The following BRAF variants were observed in gnomAD, a reference collection of about 807,000 sequenced individuals.
The protein encoded by BRAF is serine/threonine-protein kinase B-raf.
In BRAF, 16 loss-of-function variants were observed where a neutral mutation model predicts 104.6. The observed-to-expected ratio is 0.15, with a 90% CI of 0.10 to 0.23. The LOEUF is 0.23. Ranked by LOEUF, BRAF falls within the 10% of genes least tolerant of loss-of-function variation. The pLI is 1.00. For synonymous variants in BRAF, 310 were observed against 341.6 expected, an observed-to-expected ratio of 0.91 and a Z score of 1.02; for missense variants, 541 against 937.3, an observed-to-expected ratio of 0.58 and a Z score of 5.52.
intron 1 of BRAF, among the ~76,000 whole-genome samples, chr7:140,859,193 T>A (rs1192421238): frequency 2.0e-5 from 3 of 151,968 alleles, no homozygotes; most frequent in African/African-American, 7.2e-5. Flanking sequence ...AGAGACAGAG[T>A]CAGATGACTC....
chr7:140,791,807 C>T (rs1182377410), intron 8 of BRAF, among the ~76,000 whole-genome samples: 1 of 152,180 alleles, frequency 6.6e-6, no homozygotes, highest in Non-Finnish European at 1.5e-5. Flanking sequence ...AAGCCAGAAA[C>T]CTGGCATTAT....
intron 1 of BRAF, among the ~76,000 whole-genome samples, chr7:140,902,427 A>C (rs1048749974): frequency 3.9e-5 from 6 of 152,202 alleles, no homozygotes; most frequent in African/African-American, 1.4e-4. Context: ...AAATTAGGCC[A>C]ATTAAAAACC....
chr7:140,796,819 T>C (rs1802537966), intron 7 of BRAF, among the ~76,000 whole-genome samples: 1 of 152,238 alleles, frequency 6.6e-6, no homozygotes, highest in Non-Finnish European at 1.5e-5. Context: ...CTTCTGATTA[T>C]AATTTGATTT....
chr7:140,789,586 C>T (rs1357824928), intron 8 of BRAF, among the ~76,000 whole-genome samples: 3 of 152,170 alleles, frequency 2.0e-5, no homozygotes, highest in African/African-American at 7.2e-5. Context: ...ATTAACTTTC[C>T]ATTCTTGAGA....
chr7:140,823,496 T>C (rs1005882989), intron 3 of BRAF: 2 of 130,058 alleles, frequency 1.5e-5, no homozygotes, highest in Non-Finnish European at 3.0e-5. Context: ...TGTTAGAATG[T>C]CCTAAGGCTG....
chr7:140,721,974 A>T lies in BRAF; in HGVS notation c.*4520T>A. The T allele has an allele frequency of 1.6e-6, 2 of 1,216,480 alleles. No individual in the cohort carries two copies. The highest frequency in any genetic ancestry group is 2.0e-6 in the Non-Finnish European group (2 of 978,550). The allele number at this position is 1,216,480 out of a possible 1,614,324, so 75.4% of individuals were successfully genotyped here. ...GGCAGCAGTACTCTGGAAACTGATA[A>T]AACCAAATTCGGTCCTATATTTCAA... On this transcript the variant is annotated 3_prime_UTR_variant, in exon 20 of 20. Transcript: ENST00000644969.
At chr7:140,737,234 G>A (rs1252673001) in intron 18 of BRAF, among the ~76,000 whole-genome samples, 1 of 152,118 alleles carries the variant, frequency 6.6e-6, no homozygotes, top group Non-Finnish European at 1.5e-5. Flanking sequence ...ATTTTTAGAA[G>A]TATTTTGAAT....
At chr7:140,854,931 G>A (rs929258971) in intron 1 of BRAF, among the ~76,000 whole-genome samples, 6 of 152,068 alleles carry the variant, frequency 3.9e-5, no homozygotes, top group African/African-American at 1.4e-4. Context: ...GGTGACAAGA[G>A]CAAGACTTCG....
chr7:140,845,585 A>G (rs1808455419), intron 2 of BRAF, among the ~76,000 whole-genome samples: 2 of 152,190 alleles, frequency 1.3e-5, no homozygotes, highest in Non-Finnish European at 1.5e-5. Flanking sequence ...GCACATAATA[A>G]AAGGCTCAAC....
At chr7:140,913,728 C>T (rs534716225) in intron 1 of BRAF, among the ~76,000 whole-genome samples, 3 of 152,088 alleles carry the variant, frequency 2.0e-5, no homozygotes, top group South Asian at 2.1e-4. Context: ...ATGATCCACC[C>T]GCCAGGGCCT....
rs775220403 is a variant in BRAF, at chr7:140,787,530, C to A, written c.1177+18G>T. On this transcript the variant is annotated intron_variant, in intron 9 of 19. Coordinates refer to ENST00000644969, the MANE Select transcript of BRAF (RefSeq NM_001374258.1). ...CAGTTTCCTTGAGTTTTTAAAAAAA[C>A]CTGAAATCACTACTTACCTCCATCA... 6.8e-6 allele frequency: 11 copies of A among 1,608,848 alleles called. No individual in the cohort carries two copies. Among genetic ancestry groups the A allele is most frequent in the Non-Finnish European group, 8.5e-6 (10 of 1,175,700 alleles).
At chr7:140,757,985 A>G (rs1259758186) in intron 14 of BRAF, 1 of 152,236 alleles carries the variant, frequency 6.6e-6, no homozygotes, top group Middle Eastern at 3.2e-3. Flanking sequence ...TAATATTGCT[A>G]TGCCATTTGG....
downstream of BRAF, among the ~76,000 whole-genome samples, chr7:140,717,529 G>A (rs1563219148): frequency 2.0e-5 from 3 of 152,146 alleles, no homozygotes; most frequent in African/African-American, 7.2e-5. Context: ...ATTTAGGCGT[G>A]AGCCATTGAG....
chr7:140,860,196 T>A (rs1810253766), intron 1 of BRAF, among the ~76,000 whole-genome samples: 1 of 152,068 alleles, frequency 6.6e-6, no homozygotes, highest in African/African-American at 2.4e-5. Context: ...ACATTGGCAT[T>A]ATAATTTAGT....
chr7:140,807,763 A>T (rs1244742543), intron 5 of BRAF, among the ~76,000 whole-genome samples, 197 bp downstream of exon 5: 2 of 152,274 alleles, frequency 1.3e-5, no homozygotes, highest in African/African-American at 4.8e-5. Context: ...TTACTTTTTT[A>T]AATTAAAAAG....
chr7:140,730,938 A>G (rs921391456), intron 19 of BRAF: 1 of 152,204 alleles, frequency 6.6e-6, no homozygotes, highest in African/African-American at 2.4e-5. Context: ...TCACTACTTG[A>G]CATTTAAGGA....
intron 1 of BRAF, among the ~76,000 whole-genome samples, chr7:140,908,156 G>A (rs755964136): frequency 6.6e-6 from 1 of 152,124 alleles, no homozygotes; most frequent in East Asian, 1.9e-4. Context: ...AGATTTTATA[G>A]ATCTGTTTCT....
intron 16 of BRAF, among the ~76,000 whole-genome samples, chr7:140,750,535 T>C (rs10242534): frequency 0.11 from 17,046 of 152,220 alleles, 1,149 homozygotes; most frequent in African/African-American, 0.19. Context: ...CCAACCAAAG[T>C]TGAGAACCAC....
intron 1 of BRAF, among the ~76,000 whole-genome samples, chr7:140,864,101 C>T (rs17695707): frequency 0.06 from 9,055 of 152,156 alleles, 296 homozygotes; most frequent in South Asian, 0.11. Context: ...GAATGGATTA[C>T]GGTGCGCCAA....
Sources: gnomAD v4.1 joint callset for allele counts (sites outside exome capture counted in the v4.1 genomes callset) on GRCh38, gnomAD v4.1.1 for gene constraint, MANE v1.5 for transcripts, NCBI Gene and HGNC (gene_info 2026-07-23, HGNC 2026-07-21) for gene names.